TNPO3: variants seen among roughly 807,000 people sequenced by gnomAD.
The protein encoded by TNPO3 is transportin-3.
TNPO3 carries 65 observed loss-of-function variants against 122.8 expected under a neutral mutation model. That is an observed-to-expected ratio of 0.53 (90% CI 0.43 to 0.65). The LOEUF is 0.65. TNPO3 is among the 30% of genes least tolerant of loss of function. The pLI, the probability that TNPO3 is intolerant of heterozygous loss-of-function variation, is 0.00. For synonymous variants in TNPO3, 372 were observed against 411.2 expected, an observed-to-expected ratio of 0.90 and a Z score of 1.15; for missense variants, 850 against 1,136.7, an observed-to-expected ratio of 0.75 and a Z score of 3.63.
At chr7:128,970,044 G>A in intron 20 of TNPO3, 104 bp downstream of exon 20, 2 of 1,418,412 alleles carry the variant, frequency 1.4e-6, no homozygotes, top group South Asian at 1.2e-5. Context: ...TTGGTTCCAT[G>A]GACAGAAAAC....
At chr7:129,046,211 A>G (rs986286050) in intron 1 of TNPO3, among the ~76,000 whole-genome samples, 3 of 151,002 alleles carry the variant, frequency 2.0e-5, no homozygotes, top group East Asian at 3.9e-4. Flanking sequence ...AAAAAAAAAA[A>G]AAAAAAGAAA....
chr7:128,970,211 G>C lies in TNPO3; in HGVS notation c.2535C>G (p.Leu845=), dbSNP rs1798321640. 3 of 1,614,048 alleles carry C rather than the reference G, an allele frequency of 1.9e-6. No individual in the cohort carries two copies. The highest frequency in any genetic ancestry group is 1.3e-5 in the African/African-American group (1 of 74,926). Residue 845 remains leucine (L), a synonymous_variant, in exon 20 of 23, where the codon CTC becomes CTG. Transcript: ENST00000265388. ...CCACATCTGGTAGGGTATAGGGGGG[G>C]AGGCAAAAGCAGCAGGTGTGCAGCA... ...SQLLHTCCFC[L]PPYTLPDVAE...
chr7:128,975,424 T>G (rs1201127037), intron 17 of TNPO3, among the ~76,000 whole-genome samples: 2 of 152,216 alleles, frequency 1.3e-5, no homozygotes, highest in African/African-American at 4.8e-5. Flanking sequence ...GAGGAGCTGT[T>G]TCCAATGCTA....
chr7:128,982,806 G>A (rs1006322547), intron 13 of TNPO3, among the ~76,000 whole-genome samples: 2 of 152,128 alleles, frequency 1.3e-5, no homozygotes, highest in African/African-American at 4.8e-5. Flanking sequence ...TAAATCATCA[G>A]AGATGAACTA....
At chr7:129,006,288 A>C (rs997976611) in intron 4 of TNPO3, among the ~76,000 whole-genome samples, 12 of 152,208 alleles carry the variant, frequency 7.9e-5, no homozygotes, top group African/African-American at 2.7e-4. Context: ...TTTTACAAGT[A>C]ATTTACTTAC....
intron 1 of TNPO3, among the ~76,000 whole-genome samples, chr7:129,037,395 G>C: frequency 6.6e-6 from 1 of 152,178 alleles, no homozygotes; most frequent in East Asian, 1.9e-4. Context: ...ATCTACGACA[G>C]GACAGAGGAA....
At chr7:128,990,230 T>C (rs556492499) in intron 10 of TNPO3, 130 bp from the exon 11 acceptor site, 1 of 983,102 alleles carries the variant, frequency 1.0e-6, no homozygotes, top group Admixed American at 1.8e-5. Context: ...TAAAAGTACT[T>C]GGTATTTGTT....
intron 13 of TNPO3, among the ~76,000 whole-genome samples, chr7:128,983,648 T>C (rs1193142060): frequency 2.0e-5 from 3 of 152,240 alleles, no homozygotes; most frequent in East Asian, 3.8e-4. Flanking sequence ...AACATTCCTT[T>C]CTGCTAGCTC....
chr7:128,962,193 G>A (rs1362983103), intron 21 of TNPO3, among the ~76,000 whole-genome samples: 3 of 151,702 alleles, frequency 2.0e-5, no homozygotes, highest in Non-Finnish European at 4.4e-5. Context: ...GTGAAACCCC[G>A]TCTCTACTAA....
At chr7:128,963,017 C>T (rs977208018) in intron 21 of TNPO3, among the ~76,000 whole-genome samples, 3 of 152,208 alleles carry the variant, frequency 2.0e-5, no homozygotes, top group Non-Finnish European at 4.4e-5. Context: ...GTGTGGGTGG[C>T]TGCCTTAGAG....
intron 15 of TNPO3, 21 bp from the exon 16 acceptor site, chr7:128,979,144 C>T (rs530645944): frequency 6.2e-7 from 1 of 1,612,072 alleles, no homozygotes; most frequent in African/African-American, 1.3e-5. Flanking sequence ...AGTAAAAGAG[C>T]ACAAGAAAGA....
intron 1 of TNPO3, chr7:129,041,802 A>T: frequency 1.1e-6 from 1 of 918,050 alleles, no homozygotes; most frequent in Non-Finnish European, 1.3e-6. Context: ...CCTTTATATC[A>T]GTCTTTTCAA....
intron 5 of TNPO3, among the ~76,000 whole-genome samples, chr7:129,002,416 A>G (rs1802037589): frequency 6.6e-6 from 1 of 152,248 alleles, no homozygotes; most frequent in African/African-American, 2.4e-5. Context: ...TTTCTAGTGA[A>G]GAGAGTACAG....
At position 129,031,329 on chromosome 7, in the gene TNPO3, G is replaced by C. The variant is rs532199558; in HGVS notation, c.121-13172C>G. Among the ~76,000 whole-genome samples, 241 of 150,392 alleles carry C rather than the reference G, an allele frequency of 1.6e-3. 1 individual carries two copies. Among genetic ancestry groups the C allele is most frequent in the African/African-American group, 5.8e-3 (232 of 40,280 alleles). On this transcript the variant is annotated intron_variant, in intron 1 of 22. Coordinates refer to ENST00000265388, the MANE Select transcript of TNPO3 (RefSeq NM_012470.4). The stretch of plus-strand genomic sequence containing the variant: ...AAGAAAGAAAGAAAGAAAGAAATAA[G>C]AGGATTTAAATAACTAATCAGAAAT...
At chr7:128,958,611 G>A (rs1251746462) in intron 21 of TNPO3, among the ~76,000 whole-genome samples, 1 of 152,132 alleles carries the variant, frequency 6.6e-6, no homozygotes, top group African/African-American at 2.4e-5. Context: ...CAACAGAAAA[G>A]GTGAAAATAG....
intron 1 of TNPO3, among the ~76,000 whole-genome samples, chr7:129,019,678 C>CG (rs1175719081): frequency 6.6e-6 from 1 of 152,004 alleles, no homozygotes; most frequent in Non-Finnish European, 1.5e-5. Context: ...GCAAGACCCC[C>CG]GTGCCTCTAC....
rs1339627488 is a variant in TNPO3, at chr7:129,055,027, T to G, written c.-257A>C. 1.1e-5 allele frequency: 5 copies of G among 461,368 alleles called. No homozygotes were observed. The highest frequency in any genetic ancestry group is 2.0e-5 in the Non-Finnish European group (5 of 251,290). The allele number at this position is 461,368 out of a possible 1,614,324, so 28.6% of individuals were successfully genotyped here. ...GATTCTAGACTCTTGAGTCCACAGA[T>G]TCTGGCGCTCCCGTCTTCAGTCGCT... On this transcript the variant is annotated 5_prime_UTR_variant, in exon 1 of 23. Transcript: ENST00000265388.
chr7:128,996,360 G>A (rs1166191523), intron 8 of TNPO3, among the ~76,000 whole-genome samples: 1 of 152,064 alleles, frequency 6.6e-6, no homozygotes, highest in Non-Finnish European at 1.5e-5. Flanking sequence ...TTTAAAAAAT[G>A]TGTATCTTCA....
intron 21 of TNPO3, among the ~76,000 whole-genome samples, chr7:128,957,895 G>A (rs1333343403): frequency 6.6e-6 from 1 of 152,148 alleles, no homozygotes; most frequent in African/African-American, 2.4e-5. Context: ...AGGAGGGAGA[G>A]AGGAAAGGGT....
Sources: gnomAD v4.1 joint callset for allele counts (sites outside exome capture counted in the v4.1 genomes callset) on GRCh38, gnomAD v4.1.1 for gene constraint, MANE v1.5 for transcripts, NCBI Gene and HGNC (gene_info 2026-07-23, HGNC 2026-07-21) for gene names.